AUH: variants seen among roughly 807,000 people sequenced by gnomAD.
The protein encoded by AUH is methylglutaconyl-CoA hydratase, mitochondrial.
A neutral mutation model predicts 42.3 loss-of-function variants in AUH; 29 were observed. The observed-to-expected ratio is 0.69, with a 90% CI of 0.51 to 0.93. The LOEUF is 0.93. Ranked by LOEUF, AUH falls within the 40% of genes least tolerant of loss-of-function variation. AUH has a pLI of 0.00. For synonymous variants in AUH, 174 were observed against 166.4 expected, an observed-to-expected ratio of 1.05 and a Z score of -0.35; for missense variants, 452 against 438.1, an observed-to-expected ratio of 1.03 and a Z score of -0.28.
At chr9:91,334,129 GA>G (rs1370154377) in intron 3 of AUH, among the ~76,000 whole-genome samples, 4 of 152,226 alleles carry the variant, frequency 2.6e-5, no homozygotes, top group Non-Finnish European at 5.9e-5. Context: ...ACATCAGTCA[GA>G]AGTCAGTTGC....
chr9:91,283,472 C>A (rs1378195872), intron 6 of AUH, among the ~76,000 whole-genome samples: 1 of 152,054 alleles, frequency 6.6e-6, no homozygotes, highest in Admixed American at 6.5e-5. Context: ...GGCAATCAGG[C>A]AGGAGAAAGA....
intron 4 of AUH, among the ~76,000 whole-genome samples, chr9:91,313,922 C>T (rs1180826354): frequency 6.7e-6 from 1 of 149,896 alleles, no homozygotes; most frequent in Non-Finnish European, 1.5e-5. Context: ...CTCCTAAGTT[C>T]AAGTGATGCT....
At chr9:91,306,436 A>C in intron 4 of AUH, 1 of 943,914 alleles carries the variant, frequency 1.1e-6, no homozygotes, top group Non-Finnish European at 1.3e-6. Flanking sequence ...TCTATTTCTG[A>C]TAAAAAGATA....
chr9:91,225,545 T>TTTATTA (rs530836913), intron 6 of AUH, among the ~76,000 whole-genome samples: 4 of 151,582 alleles, frequency 2.6e-5, no homozygotes, highest in African/African-American at 9.7e-5. Context: ...GTTCTTTTTT[T>TTTATTA]TTATTATTAT....
intron 7 of AUH, chr9:91,219,084 A>T: frequency 1.0e-6 from 1 of 960,150 alleles, no homozygotes; most frequent in African/African-American, 1.8e-5. Context: ...GCGGCTCGAC[A>T]CACTGGCAGT....
chr9:91,274,769 A>T (rs993573265), intron 6 of AUH, among the ~76,000 whole-genome samples: 9 of 152,212 alleles, frequency 5.9e-5, no homozygotes, highest in Admixed American at 5.9e-4. Flanking sequence ...TATAAAATTA[A>T]AGCATAGAAA....
intron 6 of AUH, among the ~76,000 whole-genome samples, chr9:91,229,257 A>C (rs1564013356): frequency 6.7e-6 from 1 of 148,848 alleles, no homozygotes; most frequent in African/African-American, 2.5e-5. Context: ...GTGCATATAT[A>C]TTTAGGATAG....
rs531273392 is a variant in AUH at position 91,219,092 on chromosome 9, A to T, written c.843+1713T>A. The T allele has an allele frequency of 7.4e-6, 7 of 945,906 alleles. No homozygotes were observed. In the African/African-American group the frequency reaches 1.2e-4, roughly 17 times the overall value. 58.6% of individuals were successfully genotyped at this position (945,906 alleles called of 1,614,324 possible). A position where few individuals can be genotyped will look rare whatever the true frequency, so the allele number is the denominator to read the frequency against. On this transcript the variant is annotated intron_variant, in intron 7 of 9. Coordinates refer to ENST00000375731, the MANE Select transcript of AUH (RefSeq NM_001698.3). ...ATGGGATGCGGCTCGACACACTGGC[A>T]GTGGAAGGAGGGAGCAGAGGAGAGG...
chr9:91,347,355 C>T (rs1441317652), intron 3 of AUH, among the ~76,000 whole-genome samples: 1 of 152,200 alleles, frequency 6.6e-6, no homozygotes, highest in Non-Finnish European at 1.5e-5. Context: ...CCGTGCCTGG[C>T]TCTGAACCCC....
chr9:91,311,348 T>C (rs147291844), intron 4 of AUH, among the ~76,000 whole-genome samples: 4 of 152,354 alleles, frequency 2.6e-5, no homozygotes, highest in Non-Finnish European at 4.4e-5. Flanking sequence ...TTTACACTGC[T>C]AAATTAAAGC....
intron 3 of AUH, among the ~76,000 whole-genome samples, chr9:91,345,044 A>G (rs1831389940): frequency 6.6e-6 from 1 of 152,100 alleles, no homozygotes. Flanking sequence ...CTACAAATAA[A>G]AAGAAACTTT....
At chr9:91,344,504 T>C (rs1445997946) in intron 3 of AUH, among the ~76,000 whole-genome samples, 2 of 152,302 alleles carry the variant, frequency 1.3e-5, no homozygotes, top group Non-Finnish European at 1.5e-5. Flanking sequence ...AGAATAAATC[T>C]CTTCGAATAT....
At chr9:91,307,116 C>A (rs750959547) in intron 4 of AUH, among the ~76,000 whole-genome samples, 1 of 152,130 alleles carries the variant, frequency 6.6e-6, no homozygotes, top group South Asian at 2.1e-4. Context: ...AGACAGCAAA[C>A]GGCCATGAGG....
At chr9:91,322,256 C>T (rs1174667328) in intron 4 of AUH, among the ~76,000 whole-genome samples, 2 of 152,162 alleles carry the variant, frequency 1.3e-5, no homozygotes, top group Non-Finnish European at 2.9e-5. Flanking sequence ...AACAGAAAGA[C>T]ACTCTGGAAC....
At chr9:91,334,620 C>T (rs1456041027) in intron 3 of AUH, among the ~76,000 whole-genome samples, 6 of 152,126 alleles carry the variant, frequency 3.9e-5, no homozygotes, top group Non-Finnish European at 8.8e-5. Flanking sequence ...CAATTCCTCA[C>T]AATAAATCTT....
intron 3 of AUH, among the ~76,000 whole-genome samples, chr9:91,353,234 C>T (rs1832127923): frequency 6.6e-6 from 1 of 152,022 alleles, no homozygotes; most frequent in African/African-American, 2.4e-5. Flanking sequence ...TTACAGGCAC[C>T]TACTACCACG....
chr9:91,242,587 G>A (rs2131346180), intron 6 of AUH, among the ~76,000 whole-genome samples: 1 of 152,330 alleles, frequency 6.6e-6, no homozygotes, highest in South Asian at 2.1e-4. Context: ...ACAGTCAGAA[G>A]TGAAGGAAGT....
At chr9:91,268,903 A>C (rs1259733376) in intron 6 of AUH, among the ~76,000 whole-genome samples, 1 of 152,244 alleles carries the variant, frequency 6.6e-6, no homozygotes, top group Non-Finnish European at 1.5e-5. Flanking sequence ...AATAGACAAG[A>C]ATATAAAACA....
At position 91,272,670 on chromosome 9, in the gene AUH, T is replaced by C. The variant is rs78399913; in HGVS notation, c.655+23351A>G. On this transcript the variant is annotated intron_variant, in intron 6 of 9. Transcript: ENST00000375731. ...ACATTTACTATGGTCTAACATAGTA[T>C]ATATTTTATGTATCCGTCTGCCTCC... is the stretch of plus-strand genomic sequence containing the variant. Among the ~76,000 whole-genome samples, 807 of 152,320 alleles carry C rather than the reference T, an allele frequency of 5.3e-3. 27 individuals carry two copies. The East Asian group carries it at 0.091, about 17-fold the overall frequency.
Sources: allele counts gnomAD v4.1 joint callset (sites outside exome capture counted in the v4.1 genomes callset), GRCh38; gene constraint gnomAD v4.1.1; transcripts MANE v1.5; gene names NCBI Gene and HGNC (gene_info 2026-07-23, HGNC 2026-07-21).